ABCB7: variants seen among roughly 807,000 people sequenced by gnomAD.
ABCB7 encodes ATP binding cassette subfamily B member 7.
A neutral mutation model predicts 54.4 loss-of-function variants in ABCB7; 7 were observed. The observed-to-expected ratio is 0.13, with a 90% CI of 0.07 to 0.24. ABCB7 has a LOEUF of 0.24. ABCB7 is among the 10% of genes least tolerant of loss of function. The pLI, the probability that ABCB7 is intolerant of heterozygous loss-of-function variation, is 1.00. For synonymous variants in ABCB7, 218 were observed against 207.1 expected (o/e 1.05, Z -0.45); for missense variants, 356 against 570.4 (o/e 0.62, Z 3.83).
chrX:75,055,212 G>T lies in ABCB7; in HGVS notation c.2044-1627C>A, dbSNP rs189143988. Among the ~76,000 whole-genome samples, 7 of 110,571 alleles carry T rather than the reference G, an allele frequency of 6.3e-5. No individual in the cohort carries two copies. In the East Asian group the frequency reaches 2.0e-3, roughly 31 times the overall value. ...TGAACAACTTTATATGCTTCTCCTA[G>T]TTTGGCAACCATTATTTTTTCCTAC... On this transcript the variant is annotated intron_variant, in intron 15 of 15. Coordinates refer to ENST00000373394, the MANE Select transcript of ABCB7 (RefSeq NM_001271696.3).
chrX:75,053,624 T>C, intron 15 of ABCB7, 39 bp from the exon 16 acceptor site: 2 of 1,165,084 alleles, frequency 1.7e-6, no homozygotes, highest in Non-Finnish European at 2.3e-6. Flanking sequence ...AGAAAGGTCA[T>C]TTAACTAGCA....
intron 3 of ABCB7, among the ~76,000 whole-genome samples, chrX:75,102,072 T>G (rs1412786089): frequency 9.0e-6 from 1 of 111,324 alleles, no homozygotes; most frequent in Non-Finnish European, 1.9e-5. Flanking sequence ...ATTCATAATA[T>G]TTTACATATT....
chrX:75,143,488 T>C (rs1370619347), intron 1 of ABCB7, among the ~76,000 whole-genome samples: 2 of 111,903 alleles, frequency 1.8e-5, no homozygotes, highest in African/African-American at 6.5e-5. Context: ...TTCCAACCTC[T>C]GCCTGGTACC....
In ABCB7 at chrX:75,156,127, A is replaced by G; in HGVS notation, c.146T>C (p.Leu49Ser). 1 of 1,209,917 alleles carries G rather than the reference A, an allele frequency of 8.3e-7. No homozygotes were observed. Among genetic ancestry groups the G allele is most frequent in the Non-Finnish European group, 1.1e-6 (1 of 894,776 alleles). The part of the protein sequence containing the change: ...PQWRPHQLGA[L>S]GTARAYQIPE... Reference sequence around the variant, plus strand: ...CACCTGGTAGGCTCGAGCGGTTCCCAAGGCGCCGAGTTGATGTGGCCTCCA... The same window carrying G: ...CACCTGGTAGGCTCGAGCGGTTCCCGAGGCGCCGAGTTGATGTGGCCTCCA... The change falls in exon 1 of 16, where the codon TTG (leucine) becomes TCG (serine). Residue 49 changes from leucine to serine, a missense_variant. Physicochemically the swap from Leu to Ser is moderately radical, Grantham distance 145. Transcript: ENST00000373394.
At chrX:75,102,814 T>A (rs1336158557) in intron 3 of ABCB7, among the ~76,000 whole-genome samples, 3 of 111,548 alleles carry the variant, frequency 2.7e-5, no homozygotes, top group African/African-American at 9.8e-5. Context: ...CTCACCAATA[T>A]CTGTTATTTT....
chrX:75,092,662 T>A (rs982400025), intron 4 of ABCB7, among the ~76,000 whole-genome samples: 1 of 111,674 alleles, frequency 9.0e-6, no homozygotes, highest in African/African-American at 3.2e-5. Context: ...TGCAAAAGAC[T>A]TAACTGATAA....
intron 3 of ABCB7, among the ~76,000 whole-genome samples, 167 bp from the exon 4 acceptor site, chrX:75,099,228 A>T (rs2081618459): frequency 8.9e-6 from 1 of 112,077 alleles, no homozygotes. Flanking sequence ...TATTTTAGAG[A>T]AAAATTATTT....
chrX:75,113,964 C>T (rs12012966), intron 2 of ABCB7, among the ~76,000 whole-genome samples: 1,250 of 111,550 alleles, frequency 0.011, 20 homozygotes, highest in African/African-American at 0.039. Flanking sequence ...GATTGAGCAA[C>T]AAGTTTTATC....
intron 8 of ABCB7, 108 bp from the exon 9 acceptor site, chrX:75,071,791 G>A: frequency 1.9e-6 from 1 of 533,551 alleles, no homozygotes; most frequent in African/African-American, 2.3e-5. Flanking sequence ...ATTTTGTACT[G>A]TAGATTCCAT....
At chrX:75,133,441 G>C (rs989100520) in intron 1 of ABCB7, among the ~76,000 whole-genome samples, 1 of 111,827 alleles carries the variant, frequency 8.9e-6, no homozygotes, top group African/African-American at 3.3e-5. Context: ...AACCTCACGA[G>C]AGGCTGACAT....
chrX:75,147,669 G>A (rs764437351), intron 1 of ABCB7, among the ~76,000 whole-genome samples: 2 of 111,849 alleles, frequency 1.8e-5, no homozygotes, highest in South Asian at 7.5e-4. Context: ...GGGCCTATCA[G>A]AGGGTGGAAG....
intron 1 of ABCB7, among the ~76,000 whole-genome samples, chrX:75,146,919 G>A (rs1291550187): frequency 1.3e-4 from 4 of 31,479 alleles, no homozygotes; most frequent in African/African-American, 2.5e-4. Context: ...CAAATTATGC[G>A]TCCAACAAAG....
chrX:75,129,688 G>A, intron 1 of ABCB7, among the ~76,000 whole-genome samples: 1 of 109,002 alleles, frequency 9.2e-6, no homozygotes, highest in Middle Eastern at 4.8e-3. Context: ...TACCCCTAAA[G>A]ATGCTTAGTC....
At chrX:75,123,888 C>T (rs186045667) in intron 1 of ABCB7, among the ~76,000 whole-genome samples, 16 of 112,015 alleles carry the variant, frequency 1.4e-4, no homozygotes, top group Non-Finnish European at 5.6e-5. Context: ...TGAAAGCAAC[C>T]ATACATGATA....
At chrX:75,069,562 A>G in intron 10 of ABCB7, 108 bp from the exon 11 acceptor site, 1 of 868,400 alleles carries the variant, frequency 1.2e-6, no homozygotes, top group Non-Finnish European at 1.7e-6. Flanking sequence ...GAAAAGAAGG[A>G]GGTTTATAAG....
In ABCB7 at chrX:75,053,283, G is replaced by A. The variant is rs1473205300; in HGVS notation, c.*87C>T. 7 of 1,086,546 alleles carry A rather than the reference G, an allele frequency of 6.4e-6. No individual in the cohort carries two copies. Among genetic ancestry groups the A allele is most frequent in the Non-Finnish European group, 8.8e-6 (7 of 796,745 alleles). 89.5% of individuals were successfully genotyped at this position (1,086,546 alleles called of 1,213,427 possible). On this transcript the variant is annotated 3_prime_UTR_variant, in exon 16 of 16. Transcript: ENST00000373394. Reference sequence around the variant, plus strand: ...CTAAAAGAAGGATTATAGAAAATGGGAATGTATGATTTTTTTAATAAAACA... The same window carrying A: ...CTAAAAGAAGGATTATAGAAAATGGAAATGTATGATTTTTTTAATAAAACA...
At chrX:75,100,486 G>T (rs1190299189) in intron 3 of ABCB7, among the ~76,000 whole-genome samples, 3 of 110,157 alleles carry the variant, frequency 2.7e-5, no homozygotes, top group Non-Finnish European at 5.7e-5. Context: ...CTGTCATGGG[G>T]ACTTTACACA....
At chrX:75,078,466 A>G (rs903616094) in intron 4 of ABCB7, among the ~76,000 whole-genome samples, 11 of 111,662 alleles carry the variant, frequency 9.9e-5, no homozygotes, top group African/African-American at 3.6e-4. Flanking sequence ...ACATGGATAT[A>G]TCGCATACTG....
chrX:75,062,297 T>C (rs1275933471), intron 14 of ABCB7, 31 bp downstream of exon 14: 2 of 1,141,299 alleles, frequency 1.8e-6, no homozygotes, highest in South Asian at 3.7e-5. Flanking sequence ...AGTTAAACAT[T>C]GAAGAGCTTT....
Sources: allele counts gnomAD v4.1 joint callset (sites outside exome capture counted in the v4.1 genomes callset), GRCh38; gene constraint gnomAD v4.1.1; transcripts MANE v1.5; gene names NCBI Gene and HGNC (gene_info 2026-07-23, HGNC 2026-07-21).